TPR: variants seen among roughly 807,000 people sequenced by gnomAD.
TPR encodes nucleoprotein TPR.
TPR carries 51 observed loss-of-function variants against 316.1 expected under a neutral mutation model. The ratio of observed to expected loss-of-function variants is 0.16; its 90% CI spans 0.13 to 0.20. The LOEUF (loss-of-function observed/expected upper bound fraction) is 0.20. TPR is among the 10% of genes least tolerant of loss of function. TPR has a pLI of 1.00. For synonymous variants in TPR, 981 were observed against 914.7 expected, an observed-to-expected ratio of 1.07 and a Z score of -1.31; for missense variants, 2,272 against 2,754.8, an observed-to-expected ratio of 0.82 and a Z score of 3.92.
chr1:186,351,151 TA>T (rs750405699), intron 20 of TPR, among the ~76,000 whole-genome samples, 178 bp downstream of exon 20: 1 of 152,134 alleles, frequency 6.6e-6, no homozygotes, highest in Non-Finnish European at 1.5e-5. Context: ...CCCAACATGG[TA>T]AAACTCACAA....
chr1:186,316,509 A>G (rs963468508), intron 49 of TPR, among the ~76,000 whole-genome samples: 1 of 152,204 alleles, frequency 6.6e-6, no homozygotes, highest in African/African-American at 2.4e-5. Context: ...TCCATGGCAG[A>G]GTTTGAGAAT....
chr1:186,340,393 A>G (rs1372707181), intron 29 of TPR, among the ~76,000 whole-genome samples: 1 of 152,156 alleles, frequency 6.6e-6, no homozygotes, highest in Non-Finnish European at 1.5e-5. Flanking sequence ...AAGTCTTTTT[A>G]AAGTGCTTTA....
intron 24 of TPR, 59 bp downstream of exon 24, chr1:186,345,521 T>C: frequency 7.5e-7 from 1 of 1,337,728 alleles, no homozygotes; most frequent in Non-Finnish European, 1.1e-6. Flanking sequence ...TGCATAAATA[T>C]ACTTCAAGAA....
chr1:186,324,860 C>T (rs560780550), intron 42 of TPR, among the ~76,000 whole-genome samples: 1 of 152,018 alleles, frequency 6.6e-6, no homozygotes, highest in South Asian at 2.1e-4. Flanking sequence ...GCAAAAATTC[C>T]TCCCTCTATA....
chr1:186,315,635 A>T (rs12069419), intron 49 of TPR, among the ~76,000 whole-genome samples: 43,706 of 151,410 alleles, frequency 0.29, 6,857 homozygotes, highest in Admixed American at 0.38. Flanking sequence ...CAAACTGATC[A>T]GATCATGTCA....
At chr1:186,323,995 T>G in intron 42 of TPR, 125 bp from the exon 43 acceptor site, 1 of 980,338 alleles carries the variant, frequency 1.0e-6, no homozygotes, top group South Asian at 1.8e-5. Context: ...AGAAGTAAAG[T>G]AGTGAGGTGT....
rs368234487 is a variant in TPR at position 186,331,505 on chromosome 1, A to G, written c.5681T>C (p.Ile1894Thr). ...AGGTATGTTTTTACTTACTTCTCCA[A>G]TGGAATCTTGAGAATCCTGGTTGTA... ...QVYNQDSQDS[I>T]GEGVTQGDYT... The change falls in exon 39 of 51, where the codon ATT becomes ACT. Residue 1894 changes from isoleucine (I) to threonine (T), a missense_variant. By Grantham distance (89) the Ile-to-Thr change is moderately conservative. Around this residue, in one of 10 missense-constraint regions of TPR, gnomAD observed 435 missense variants for 461.1 expected, o/e 0.94. Coordinates refer to ENST00000367478, the MANE Select transcript of TPR (RefSeq NM_003292.3). The G allele has an allele frequency of 3.1e-6, 5 of 1,607,100 alleles. No homozygotes were observed. Among genetic ancestry groups the G allele is most frequent in the African/African-American group, 2.7e-5 (2 of 74,544 alleles).
Position 186,312,870 on chromosome 1 carries a change from T to A in TPR, c.*1101A>T. 9 of 1,612,570 alleles carry A rather than the reference T, an allele frequency of 5.6e-6. No individual in the cohort carries two copies. Among genetic ancestry groups the A allele is most frequent in the Non-Finnish European group, 7.6e-6 (9 of 1,178,586 alleles). On this transcript the variant is annotated 3_prime_UTR_variant, in exon 51 of 51. Transcript: ENST00000367478. Reference sequence around the variant, plus strand: ...GCCCAACATCAGAAAACCTGACGGCTATGATTACTATGCCTTTTCTAAAGG... The same window carrying A: ...GCCCAACATCAGAAAACCTGACGGCAATGATTACTATGCCTTTTCTAAAGG...
chr1:186,340,909 C>T, intron 29 of TPR, 119 bp downstream of exon 29: 1 of 1,271,762 alleles, frequency 7.9e-7, no homozygotes, highest in Non-Finnish European at 1.1e-6. Flanking sequence ...ACATAATAGA[C>T]TTTCACTAAT....
At chr1:186,333,499 C>G (rs1658238840) in intron 36 of TPR, 105 bp from the exon 37 acceptor site, 35 of 1,384,308 alleles carry the variant, frequency 2.5e-5, no homozygotes, top group Non-Finnish European at 3.4e-5. Flanking sequence ...AGATTTGGCA[C>G]TTGGTAGACA....
rs1399821427 is a variant in TPR at position 186,312,629 on chromosome 1, A to T, written c.*1342T>A. 3 of 924,308 alleles carry T rather than the reference A, an allele frequency of 3.2e-6. No homozygotes were observed. The highest frequency in any genetic ancestry group is 3.4e-6 in the Non-Finnish European group (2 of 594,896). The allele number at this position is 924,308 out of a possible 1,614,324, so 57.3% of individuals were successfully genotyped here. On this transcript the variant is annotated 3_prime_UTR_variant, in exon 51 of 51. Transcript: ENST00000367478. ...ATTTATCAAGTACTTCTTACCAAGAACATTATATACCAGTCTATAACCCTC... is the reference window on the plus strand; with the variant it reads ...ATTTATCAAGTACTTCTTACCAAGATCATTATATACCAGTCTATAACCCTC...
intron 3 of TPR, among the ~76,000 whole-genome samples, chr1:186,368,940 A>G (rs1262601074): frequency 6.6e-6 from 1 of 152,186 alleles, no homozygotes; most frequent in African/African-American, 2.4e-5. Flanking sequence ...TGTAAGCAAC[A>G]CAAACATCCA....
chr1:186,351,249 T>C, intron 20 of TPR, 81 bp downstream of exon 20: 1 of 1,415,922 alleles, frequency 7.1e-7, no homozygotes, highest in Non-Finnish European at 9.3e-7. Context: ...ATGCTTCATC[T>C]TGGATGGCAG....
intron 4 of TPR, among the ~76,000 whole-genome samples, chr1:186,366,283 A>T (rs1659340850): frequency 6.6e-6 from 1 of 152,232 alleles, no homozygotes; most frequent in Admixed American, 6.5e-5. Context: ...GACAAGGAGG[A>T]TGAAGATGGT....
intron 3 of TPR, among the ~76,000 whole-genome samples, chr1:186,368,258 C>A (rs1659405239): frequency 6.6e-6 from 1 of 152,106 alleles, no homozygotes; most frequent in Non-Finnish European, 1.5e-5. Flanking sequence ...TGTATTTACA[C>A]CTTAGTTCAA....
rs563435015 is a variant in TPR, at chr1:186,347,353, T to C, written c.2882A>G (p.Asn961Ser). ...LKERLKTSTS[N>S]VEQYQAMVTS... ...AACCATTGCTTGATATTGTTCCACA[T>C]TGCTCGTACTTGTTTTGAGTCTCTC... is the stretch of plus-strand genomic sequence containing the variant. The change falls in exon 22 of 51, where the codon AAT (asparagine) becomes AGT (serine). Residue 961 changes from asparagine (N) to serine (S), a missense_variant. Transcript: ENST00000367478. The C allele has an allele frequency of 1.2e-6, 2 of 1,614,108 alleles. No homozygotes were observed. Among genetic ancestry groups the C allele is most frequent in the African/African-American group, 1.3e-5 (1 of 75,072 alleles).
Position 186,334,329 on chromosome 1 carries a change from C to A in TPR, c.5178G>T (p.Gln1726His). 6.2e-7 allele frequency: 1 copy of A among 1,611,106 alleles called. No individual in the cohort carries two copies. Among genetic ancestry groups the A allele is most frequent in the East Asian group, 2.2e-5 (1 of 44,870 alleles). Residue 1726 changes from glutamine (Q) to histidine (H), a missense_variant, in exon 36 of 51, where the codon CAG becomes CAT. Coordinates refer to ENST00000367478, the MANE Select transcript of TPR (RefSeq NM_003292.3). ...TVMPTTQVES[Q>H]EAMQSEGPVE... is the part of the protein sequence containing the mutation. ...GATCTGTATTATTTTACTAACCTTC[C>A]TGTGATTCCACTTGTGTAGTGGGCA...
rs555262522 is a variant in TPR, at chr1:186,372,077, T to C, written c.257-1034A>G. Among the ~76,000 whole-genome samples the C allele has an allele frequency of 1.8e-3, 281 of 152,330 alleles. 2 individuals carry two copies. The highest frequency in any genetic ancestry group is 3.3e-3 in the Non-Finnish European group (224 of 68,024). On this transcript the variant is annotated intron_variant, in intron 2 of 50. Transcript: ENST00000367478. ...CTATATATGCTCCATCACACATGTA[T>C]GCATATACATTACGTTTTTAAAATG...
chr1:186,372,819 T>C lies in TPR; in HGVS notation c.256+540A>G, dbSNP rs907747685. On this transcript the variant is annotated intron_variant, in intron 2 of 50. Transcript: ENST00000367478. ...GATGTAAGAAAAGTAAGAAAGAGAT[T>C]AGCTATCAATCTTTTATAGGAATTA... Among the ~76,000 whole-genome samples, 5 of 152,168 alleles carry C rather than the reference T, an allele frequency of 3.3e-5. No individual in the cohort carries two copies. The East Asian group carries it at 9.6e-4, about 29-fold the overall frequency.
Sources: allele counts gnomAD v4.1 joint callset (sites outside exome capture counted in the v4.1 genomes callset), GRCh38; gene constraint gnomAD v4.1.1; regional missense constraint gnomAD v4.1.1; transcripts MANE v1.5; gene names NCBI Gene and HGNC (gene_info 2026-07-23, HGNC 2026-07-21).